Variants in COA7 observed in about 807,000 individuals in gnomAD.
The protein encoded by COA7 is cytochrome c oxidase assembly factor 7, also known as Sel1 repeat containing 1.
Under a neutral mutation model 21.0 loss-of-function variants are expected in COA7, and 12 were observed. That is an observed-to-expected ratio of 0.57 (90% CI 0.37 to 0.92). The LOEUF (loss-of-function observed/expected upper bound fraction) is 0.92, where lower values mean the gene tolerates loss of function less well. COA7 is among the 40% of genes least tolerant of loss of function. The pLI is 0.01. For synonymous variants in COA7, 95 were observed against 107.4 expected (o/e 0.88, Z 0.72); for missense variants, 240 against 286.1 (o/e 0.84, Z 1.16).
chr1:52,691,277 G>A (rs1437488546), intron 2 of COA7, among the ~76,000 whole-genome samples: 2 of 151,952 alleles, frequency 1.3e-5, no homozygotes, highest in Non-Finnish European at 2.9e-5. Context: ...AGCTAAGCAT[G>A]GGGGCACGTG....
At position 52,687,603 on chromosome 1, in the gene COA7, T is replaced by C. The variant is rs1054043541; in HGVS notation, c.*117A>G. ...GGATCCATGTAAATGGAGCTACAAATTCAAGTCCCAAGTTTTTTTGCTCCA... is the reference window on the plus strand; with the variant it reads ...GGATCCATGTAAATGGAGCTACAAACTCAAGTCCCAAGTTTTTTTGCTCCA... On this transcript the variant is annotated 3_prime_UTR_variant, in exon 3 of 3. Transcript: ENST00000371538. 3 of 904,258 alleles carry C rather than the reference T, an allele frequency of 3.3e-6. No individual in the cohort carries two copies. Among genetic ancestry groups the C allele is most frequent in the Non-Finnish European group, 5.1e-6 (3 of 593,820 alleles). The allele number at this position is 904,258 out of a possible 1,614,324, so 56.0% of individuals were successfully genotyped here. A position where few individuals can be genotyped will look rare whatever the true frequency, so the allele number is the denominator to read the frequency against.
intron 1 of COA7, 27 bp from the exon 2 acceptor site, chr1:52,692,894 T>C (rs769752095): frequency 1.2e-6 from 2 of 1,613,510 alleles, no homozygotes; most frequent in Non-Finnish European, 1.7e-6. Flanking sequence ...AGGGTTGTTC[T>C]TCATGTCTGG....
At chr1:52,695,286 T>C (rs1571719829) in intron 1 of COA7, among the ~76,000 whole-genome samples, 2 of 99,122 alleles carry the variant, frequency 2.0e-5, no homozygotes, top group African/African-American at 4.1e-5. Context: ...AGAGCAAGAC[T>C]CAGCCTCAGG....
At chr1:52,692,920 T>A (rs1361416598) in intron 1 of COA7, 53 bp from the exon 2 acceptor site, 1 of 1,604,678 alleles carries the variant, frequency 6.2e-7, no homozygotes, top group Non-Finnish European at 8.5e-7. Flanking sequence ...CTGCTCGCAG[T>A]GGGGACTTGG....
rs1284916666 is a variant in COA7 at position 52,685,281 on chromosome 1, T to C, written c.*2439A>G. On this transcript the variant is annotated 3_prime_UTR_variant, in exon 3 of 3. Coordinates refer to ENST00000371538, the MANE Select transcript of COA7 (RefSeq NM_023077.3). ...TTGCTCCAACTTTCCCAGCATTTCA[T>C]GCTGTCGGTGCTTTGGATTTTGGCC... 6.6e-6 allele frequency: 1 copy of C among 152,258 alleles called. No homozygotes were observed. The highest frequency in any genetic ancestry group is 1.5e-5 in the Non-Finnish European group (1 of 68,054). 9.4% of individuals were successfully genotyped at this position (152,258 alleles called of 1,614,324 possible). A position where few individuals can be genotyped will look rare whatever the true frequency, so the allele number is the denominator to read the frequency against.
chr1:52,697,844 T>C (rs1003186381), intron 1 of COA7: 3 of 177,168 alleles, frequency 1.7e-5, no homozygotes, highest in Non-Finnish European at 3.6e-5. Context: ...AGTGCTGGGA[T>C]TATAGGCGTG....
At chr1:52,694,307 A>C (rs1644068481) in intron 1 of COA7, among the ~76,000 whole-genome samples, 1 of 152,124 alleles carries the variant, frequency 6.6e-6, no homozygotes, top group Non-Finnish European at 1.5e-5. Context: ...AAAAATACGA[A>C]AATATTAGCC....
At position 52,684,854 on chromosome 1, in the gene COA7, A is replaced by C. The variant is rs1406620746; in HGVS notation, c.*2866T>G. 6.8e-6 allele frequency: 1 copy of C among 147,144 alleles called. No individual in the cohort carries two copies. Among genetic ancestry groups the C allele is most frequent in the Non-Finnish European group, 1.5e-5 (1 of 67,550 alleles). 9.1% of individuals were successfully genotyped at this position (147,144 alleles called of 1,614,324 possible). A position where few individuals can be genotyped will look rare whatever the true frequency, so the allele number is the denominator to read the frequency against. On this transcript the variant is annotated 3_prime_UTR_variant, in exon 3 of 3. Coordinates refer to ENST00000371538, the MANE Select transcript of COA7 (RefSeq NM_023077.3). ...CTTTTCCAGAATACATCCCAGTGTC[A>C]TATAGTTGGCATCATTTAATATGAA...
At position 52,684,761 on chromosome 1, in the gene COA7, TTC is replaced by T. The variant is rs1296369507; in HGVS notation, c.*2957_*2958del. ...GAGTAGTTTCGCTGCCCTAAAAATC[TTC>T]TGTGCTCCAATTATTCCTCCCTCCC... On this transcript the variant is annotated 3_prime_UTR_variant, in exon 3 of 3. Coordinates refer to ENST00000371538, the MANE Select transcript of COA7 (RefSeq NM_023077.3). 2 of 152,188 alleles carry T rather than the reference TTC, an allele frequency of 1.3e-5. No homozygotes were observed. The highest frequency in any genetic ancestry group is 6.6e-5 in the Admixed American group (1 of 15,264). The allele number at this position is 152,188 out of a possible 1,614,324, so 9.4% of individuals were successfully genotyped here.
chr1:52,689,166 T>A (rs997233690), intron 2 of COA7, among the ~76,000 whole-genome samples: 7 of 151,822 alleles, frequency 4.6e-5, no homozygotes, highest in East Asian at 3.9e-4. Context: ...TATTATTTTT[T>A]TTTTTTTGAG....
chr1:52,690,099 A>AAGGC (rs1175656527), intron 2 of COA7, among the ~76,000 whole-genome samples: 1 of 151,972 alleles, frequency 6.6e-6, no homozygotes, highest in Non-Finnish European at 1.5e-5. Flanking sequence ...AGTATAGTGC[A>AAGGC]AGGCAGGCAA....
At chr1:52,693,960 A>G (rs1644065983) in intron 1 of COA7, among the ~76,000 whole-genome samples, 1 of 152,232 alleles carries the variant, frequency 6.6e-6, no homozygotes, top group South Asian at 2.1e-4. Flanking sequence ...CAATAAATAA[A>G]TAAATGAACA....
Position 52,685,125 on chromosome 1 carries a change from T to A in COA7, c.*2595A>T, listed in dbSNP as rs1643992062. 1 of 152,218 alleles carries A rather than the reference T, an allele frequency of 6.6e-6. No individual in the cohort carries two copies. The highest frequency in any genetic ancestry group is 2.4e-5 in the African/African-American group (1 of 41,470). 9.4% of individuals were successfully genotyped at this position (152,218 alleles called of 1,614,324 possible). A position where few individuals can be genotyped will look rare whatever the true frequency, so the allele number is the denominator to read the frequency against. ...TGGACATGTTTTCAGTTCCTTCAGG[T>A]AAATACTAAAGAGCAAGATTGCTGG... On this transcript the variant is annotated 3_prime_UTR_variant, in exon 3 of 3. Coordinates refer to ENST00000371538, the MANE Select transcript of COA7 (RefSeq NM_023077.3).
intron 2 of COA7, among the ~76,000 whole-genome samples, chr1:52,689,195 G>A (rs1000981086): frequency 8.0e-5 from 12 of 149,738 alleles, no homozygotes; most frequent in African/African-American, 2.0e-4. Context: ...TTGCTGTGTC[G>A]CCCAGGCTGG....
chr1:52,687,662 A>C lies in COA7; in HGVS notation c.*58T>G. 1 of 1,543,838 alleles carries C rather than the reference A, an allele frequency of 6.5e-7. No homozygotes were observed. The highest frequency in any genetic ancestry group is 1.2e-5 in the South Asian group (1 of 83,166). ...ACCTTCAAGGGCTGCATCAGTCTTC[A>C]GAAACAGGAGCTGCCAGCCTCAAGC... On this transcript the variant is annotated 3_prime_UTR_variant, in exon 3 of 3. Coordinates refer to ENST00000371538, the MANE Select transcript of COA7 (RefSeq NM_023077.3).
chr1:52,697,674 A>G (rs1288593318), intron 1 of COA7, among the ~76,000 whole-genome samples: 2 of 151,988 alleles, frequency 1.3e-5, no homozygotes, highest in East Asian at 3.9e-4. Context: ...CCGGGTTCAC[A>G]CCACTCTCCT....
chr1:52,695,261 T>C (rs1289040454), intron 1 of COA7, among the ~76,000 whole-genome samples: 1 of 130,290 alleles, frequency 7.7e-6, no homozygotes, highest in Non-Finnish European at 1.5e-5. Flanking sequence ...GCCACTGTAC[T>C]CAAGCCTGGG....
intron 2 of COA7, among the ~76,000 whole-genome samples, chr1:52,689,259 G>A (rs544300740): frequency 6.6e-6 from 1 of 151,582 alleles, no homozygotes; most frequent in African/African-American, 2.4e-5. Context: ...GGGTTCAAGC[G>A]ATTCTCCTGC....
rs1644006373 is a variant in COA7 at position 52,686,580 on chromosome 1, TG to T, written c.*1139del. ...CTCCTGCCTCAGCCTCCCCAGTAGCTGGGACTACAGGCGCCTGCCACCACGC... is the reference window on the plus strand; with the variant it reads ...CTCCTGCCTCAGCCTCCCCAGTAGCTGGACTACAGGCGCCTGCCACCACGC... On this transcript the variant is annotated 3_prime_UTR_variant, in exon 3 of 3. Coordinates refer to ENST00000371538, the MANE Select transcript of COA7 (RefSeq NM_023077.3). The T allele has an allele frequency of 6.6e-6, 1 of 152,282 alleles. No homozygotes were observed. Among genetic ancestry groups the T allele is most frequent in the African/African-American group, 2.4e-5 (1 of 41,452 alleles). The allele number at this position is 152,282 out of a possible 1,614,324, so 9.4% of individuals were successfully genotyped here.
Sources: allele counts gnomAD v4.1 joint callset (sites outside exome capture counted in the v4.1 genomes callset), GRCh38; gene constraint gnomAD v4.1.1; transcripts MANE v1.5; gene names NCBI Gene and HGNC (gene_info 2026-07-23, HGNC 2026-07-21).